RPTOR: variants seen among roughly 807,000 people sequenced by gnomAD.
RPTOR encodes the protein regulatory associated protein of MTOR complex 1.
A neutral mutation model predicts 169.9 loss-of-function variants in RPTOR; 21 were observed. That is an observed-to-expected ratio of 0.12 (90% CI 0.09 to 0.18). The LOEUF (loss-of-function observed/expected upper bound fraction) is 0.18, where lower values mean the gene tolerates loss of function less well. Ranked by LOEUF, RPTOR falls within the 10% of genes least tolerant of loss-of-function variation. RPTOR has a pLI of 1.00. For synonymous variants in RPTOR, 732 were observed against 753.2 expected (o/e 0.97, Z 0.46); for missense variants, 1,133 against 1,855.9 (o/e 0.61, Z 7.16).
intron 3 of RPTOR, among the ~76,000 whole-genome samples, chr17:80,686,503 G>A (rs372552761): frequency 2.6e-5 from 4 of 151,834 alleles, no homozygotes; most frequent in African/African-American, 7.3e-5. Flanking sequence ...CTACCCTCAC[G>A]ACAAAGCCAT....
chr17:80,630,354 A>G (rs959170966), intron 2 of RPTOR, among the ~76,000 whole-genome samples: 1 of 152,244 alleles, frequency 6.6e-6, no homozygotes, highest in Non-Finnish European at 1.5e-5. Context: ...TGTAATGGTT[A>G]TACCCACTGC....
intron 17 of RPTOR, among the ~76,000 whole-genome samples, chr17:80,886,260 G>T (rs1283749028): frequency 6.6e-6 from 1 of 152,254 alleles, no homozygotes; most frequent in Admixed American, 6.5e-5. Context: ...TCAGCCAGAC[G>T]AAGTGTGGAA....
Position 80,651,282 on chromosome 17 carries a change from C to T in RPTOR, c.348+7472C>T, listed in dbSNP as rs755053265. ...GTGACGATGAGGAACCCACCGTATG[C>T]TCGCCATATGCAACTAGGAAGAGTT... On this transcript the variant is annotated intron_variant, in intron 3 of 33. Transcript: ENST00000306801. This position sits in a 1 kb window ranked among gnomAD's most constrained non-coding sequence, Gnocchi z 4.1. 6.6e-5 allele frequency among the ~76,000 whole-genome samples: 10 copies of T among 152,190 alleles called. No homozygotes were observed. The highest frequency in any genetic ancestry group is 1.2e-4 in the Non-Finnish European group (8 of 68,044).
intron 1 of RPTOR, among the ~76,000 whole-genome samples, chr17:80,575,009 C>G (rs1568313355): frequency 6.8e-6 from 1 of 146,604 alleles, no homozygotes; most frequent in Non-Finnish European, 1.5e-5. Context: ...TTCTACTTTC[C>G]TTGGGTTTGT....
At chr17:80,905,857 G>C (rs1243162226) in intron 20 of RPTOR, among the ~76,000 whole-genome samples, 1 of 152,218 alleles carries the variant, frequency 6.6e-6, no homozygotes, top group African/African-American at 2.4e-5. Context: ...GGCTTGCCCA[G>C]TGCCCTATTC....
intron 5 of RPTOR, among the ~76,000 whole-genome samples, chr17:80,738,751 G>GCTC (rs1256082106): frequency 6.6e-6 from 1 of 152,176 alleles, no homozygotes; most frequent in East Asian, 1.9e-4. Context: ...TTAAATTGAT[G>GCTC]CTCAGGAAGG....
At chr17:80,882,329 A>G (rs1359837556) in intron 14 of RPTOR, among the ~76,000 whole-genome samples, 2 of 152,260 alleles carry the variant, frequency 1.3e-5, no homozygotes, top group African/African-American at 4.8e-5. Context: ...GAGAAGGTTA[A>G]AGAGAAACAA....
At position 80,964,357 on chromosome 17, in the gene RPTOR, C is replaced by T. The variant is rs758786202; in HGVS notation, c.*27C>T. ...GGCGTGACCCGGGCCCACCAGGCCA[C>T]GGCCGCCTGCTGTACATAGTGAAGC... On this transcript the variant is annotated 3_prime_UTR_variant, in exon 34 of 34. Transcript: ENST00000306801. 22 of 1,600,242 alleles carry T rather than the reference C, an allele frequency of 1.4e-5. No individual in the cohort carries two copies. The Middle Eastern group carries it at 4.9e-4, about 36-fold the overall frequency.
At chr17:80,868,178 G>A (rs116973624) in intron 13 of RPTOR, among the ~76,000 whole-genome samples, 5,801 of 152,204 alleles carry the variant, frequency 0.038, 143 homozygotes, top group Non-Finnish European at 0.059. Flanking sequence ...TTGACAAATC[G>A]TTTTTCTGTT....
intron 3 of RPTOR, among the ~76,000 whole-genome samples, chr17:80,691,420 T>TGG (rs577091537): frequency 2.2e-3 from 336 of 149,614 alleles, no homozygotes; most frequent in Non-Finnish European, 3.6e-3. Flanking sequence ...GTGACTAGTG[T>TGG]GGGGGTGTGT....
chr17:80,592,048 T>TA (rs941050441), intron 1 of RPTOR, among the ~76,000 whole-genome samples: 1 of 152,270 alleles, frequency 6.6e-6, no homozygotes, highest in African/African-American at 2.4e-5. Flanking sequence ...TTTCTTCTCT[T>TA]ACATTTGTAT....
At chr17:80,722,353 T>C (rs2066293639) in intron 4 of RPTOR, among the ~76,000 whole-genome samples, 1 of 151,160 alleles carries the variant, frequency 6.6e-6, no homozygotes, top group Non-Finnish European at 1.5e-5. Context: ...TAGGCAGTAT[T>C]TAAAACCAGG....
At chr17:80,740,387 T>C (rs2066471564) in intron 5 of RPTOR, among the ~76,000 whole-genome samples, 1 of 152,192 alleles carries the variant, frequency 6.6e-6, no homozygotes, top group South Asian at 2.1e-4. Context: ...TTCCAGAAGA[T>C]AGAAGGGTTG....
At chr17:80,700,781 A>ATAG (rs2066092367) in intron 3 of RPTOR, among the ~76,000 whole-genome samples, 3 of 3,016 alleles carry the variant, frequency 9.9e-4, no homozygotes, top group East Asian at 8.3e-3. Context: ...GGTAGAGATG[A>ATAG]TGATGGTGGT....
At chr17:80,791,029 A>G (rs1028154968) in intron 6 of RPTOR, among the ~76,000 whole-genome samples, 2 of 151,966 alleles carry the variant, frequency 1.3e-5, no homozygotes, top group Admixed American at 6.6e-5. Context: ...TTGAATTTGC[A>G]TTTCTTTTGT....
intron 24 of RPTOR, among the ~76,000 whole-genome samples, chr17:80,927,301 C>T (rs1222878445): frequency 2.0e-5 from 3 of 152,114 alleles, no homozygotes; most frequent in Admixed American, 6.5e-5. Flanking sequence ...CAAGGTCAGG[C>T]GACTAAGAAA....
chr17:80,737,067 T>C (rs74417740), intron 5 of RPTOR, among the ~76,000 whole-genome samples: 9,379 of 152,268 alleles, frequency 0.062, 983 homozygotes, highest in African/African-American at 0.22. Flanking sequence ...AATTTTTAGG[T>C]TTGAAGAAGA....
At chr17:80,546,878 G>A (rs911109145) in intron 1 of RPTOR, among the ~76,000 whole-genome samples, 6 of 152,074 alleles carry the variant, frequency 3.9e-5, no homozygotes, top group African/African-American at 9.7e-5. Context: ...AGACCAGCCC[G>A]GCCAACATGG....
intron 1 of RPTOR, among the ~76,000 whole-genome samples, chr17:80,592,810 AG>A (rs1355844647): frequency 6.6e-6 from 1 of 152,186 alleles, no homozygotes; most frequent in Non-Finnish European, 1.5e-5. Context: ...GGGGGTCTTC[AG>A]GACCCTTTTG....
Sources: gnomAD v4.1 joint callset for allele counts (sites outside exome capture counted in the v4.1 genomes callset) on GRCh38, gnomAD v4.1.1 for gene constraint, Gnocchi (gnomAD v3.1) non-coding constraint, MANE v1.5 for transcripts, NCBI Gene and HGNC (gene_info 2026-07-23, HGNC 2026-07-21) for gene names.